Variants in SPON1 observed in about 807,000 individuals in gnomAD.
SPON1 encodes the protein spondin 1, also known as spondin-1.
Under a neutral mutation model 111.7 loss-of-function variants are expected in SPON1, and 52 were observed. The observed-to-expected ratio is 0.47, with a 90% CI of 0.37 to 0.59. SPON1 has a LOEUF of 0.59. Ranked by LOEUF, SPON1 falls within the 20% of genes least tolerant of loss-of-function variation. The pLI is 0.00. For synonymous variants in SPON1, 410 were observed against 395.8 expected (o/e 1.04, Z -0.43); for missense variants, 957 against 1,068.5 (o/e 0.90, Z 1.46).
At chr11:14,122,749 C>G (rs1418158655) in intron 5 of SPON1, among the ~76,000 whole-genome samples, 1 of 152,132 alleles carries the variant, frequency 6.6e-6, no homozygotes, top group African/African-American at 2.4e-5. Flanking sequence ...TATTTATCTA[C>G]CAAAATTCCC....
chr11:14,050,506 T>C (rs1848700093), intron 3 of SPON1, among the ~76,000 whole-genome samples: 1 of 152,206 alleles, frequency 6.6e-6, no homozygotes, highest in Non-Finnish European at 1.5e-5. Context: ...TCTGGCCCTT[T>C]ATAGAAAAAG....
At chr11:14,171,030 C>T (rs1444549389) in intron 6 of SPON1, among the ~76,000 whole-genome samples, 1 of 152,134 alleles carries the variant, frequency 6.6e-6, no homozygotes, top group African/African-American at 2.4e-5. Context: ...GGGAGGATTC[C>T]CTCTTTTTCT....
intron 6 of SPON1, among the ~76,000 whole-genome samples, chr11:14,226,549 C>T (rs902242343): frequency 6.6e-6 from 1 of 152,174 alleles, no homozygotes; most frequent in Non-Finnish European, 1.5e-5. Flanking sequence ...GGTCAAAATT[C>T]GACGTACAAT....
At chr11:13,980,155 C>T (rs1226296619) in intron 1 of SPON1, among the ~76,000 whole-genome samples, 1 of 152,104 alleles carries the variant, frequency 6.6e-6, no homozygotes, top group Non-Finnish European at 1.5e-5. Context: ...ATTCTCCTGC[C>T]TCAGCCTCGT....
chr11:14,263,109 GC>G, intron 15 of SPON1, 134 bp downstream of exon 15: 1 of 935,940 alleles, frequency 1.1e-6, no homozygotes. Context: ...GAGTCTTCAG[GC>G]CACATTTTGA....
intron 2 of SPON1, among the ~76,000 whole-genome samples, chr11:14,025,214 A>G (rs1848508862): frequency 6.6e-6 from 1 of 152,214 alleles, no homozygotes; most frequent in Non-Finnish European, 1.5e-5. Flanking sequence ...TTACATTCTC[A>G]TTCCTCCTCT....
chr11:14,246,611 C>T (rs1453772162), intron 7 of SPON1, among the ~76,000 whole-genome samples: 1 of 152,124 alleles, frequency 6.6e-6, no homozygotes, highest in African/African-American at 2.4e-5. Context: ...CCAAAACAAA[C>T]AAAATCTTAC....
chr11:13,981,024 A>C (rs1332823353), intron 1 of SPON1, among the ~76,000 whole-genome samples: 2 of 152,216 alleles, frequency 1.3e-5, no homozygotes, highest in Non-Finnish European at 2.9e-5. Flanking sequence ...GGATCTTAGC[A>C]CTTTTATGCA....
At chr11:14,174,762 G>A (rs1163108991) in intron 6 of SPON1, among the ~76,000 whole-genome samples, 10 of 152,154 alleles carry the variant, frequency 6.6e-5, no homozygotes, top group African/African-American at 2.4e-4. Flanking sequence ...AAAACATAAA[G>A]GCCTTTTAAA....
intron 6 of SPON1, among the ~76,000 whole-genome samples, chr11:14,242,440 C>T (rs1369719304): frequency 6.6e-6 from 1 of 152,200 alleles, no homozygotes; most frequent in East Asian, 1.9e-4. Context: ...TGTCTGAGCA[C>T]TGCTGGGCCC....
rs1847941049 is a variant in SPON1, at chr11:14,160,995, TTATATATTTATATATTTA to T, written c.825+25433_825+25450del. ...TATTTTTATATATTTATATATATTT[TTATATATTTATATATTTA>T]TATATCTATATATATTTATATATAT... is the stretch of plus-strand genomic sequence containing the variant. On this transcript the variant is annotated intron_variant, in intron 6 of 15. Coordinates refer to ENST00000576479, the MANE Select transcript of SPON1 (RefSeq NM_006108.4). Among the ~76,000 whole-genome samples, 7 of 10,584 alleles carry T rather than the reference TTATATATTTATATATTTA, an allele frequency of 6.6e-4. 1 individual carries two copies. The South Asian group carries it at 0.021, about 32-fold the overall frequency. The allele number at this position is 10,584 out of a possible 152,430, so 6.9% of individuals were successfully genotyped here.
chr11:14,042,816 T>G (rs1396319156), intron 3 of SPON1, among the ~76,000 whole-genome samples: 1 of 152,202 alleles, frequency 6.6e-6, no homozygotes, highest in Non-Finnish European at 1.5e-5. Flanking sequence ...ACTTCCACTG[T>G]GCTTGGCTTA....
At chr11:14,023,397 C>T (rs941825596) in intron 2 of SPON1, among the ~76,000 whole-genome samples, 2 of 152,032 alleles carry the variant, frequency 1.3e-5, no homozygotes, top group Non-Finnish European at 2.9e-5. Context: ...GTAAAACTGA[C>T]AGGCAGTCAA....
chr11:13,964,515 TG>T (rs1427334956), intron 1 of SPON1, among the ~76,000 whole-genome samples: 3 of 152,142 alleles, frequency 2.0e-5, no homozygotes, highest in Non-Finnish European at 4.4e-5. Context: ...TTCCCGGGTT[TG>T]TGTCCCCGAC....
At chr11:14,152,038 T>G (rs1213938460) in intron 6 of SPON1, among the ~76,000 whole-genome samples, 1 of 152,164 alleles carries the variant, frequency 6.6e-6, no homozygotes, top group Non-Finnish European at 1.5e-5. Context: ...TGTAACCCCA[T>G]TTGGCCCAGT....
chr11:14,038,536 G>A (rs1848610893), intron 2 of SPON1, among the ~76,000 whole-genome samples: 1 of 152,142 alleles, frequency 6.6e-6, no homozygotes, highest in South Asian at 2.1e-4. Context: ...ATAAAAAATG[G>A]TAAAAGACCC....
chr11:14,100,756 C>G (rs141521505), intron 5 of SPON1, among the ~76,000 whole-genome samples: 2 of 152,270 alleles, frequency 1.3e-5, no homozygotes, highest in African/African-American at 4.8e-5. Context: ...TCTTATTTCA[C>G]TATTTTCTAC....
intron 2 of SPON1, among the ~76,000 whole-genome samples, chr11:13,992,396 G>A (rs1269194698): frequency 6.6e-6 from 1 of 152,128 alleles, no homozygotes; most frequent in African/African-American, 2.4e-5. Context: ...AATGGCGGAC[G>A]CCCCTTCCTC....
chr11:14,057,716 G>A (rs1257917123), intron 3 of SPON1, among the ~76,000 whole-genome samples: 1 of 151,656 alleles, frequency 6.6e-6, no homozygotes, highest in African/African-American at 2.4e-5. Context: ...ATTCAGGGTT[G>A]CCAGACACAG....
Sources: gnomAD v4.1 joint callset for allele counts (sites outside exome capture counted in the v4.1 genomes callset) on GRCh38, gnomAD v4.1.1 for gene constraint, MANE v1.5 for transcripts, NCBI Gene and HGNC (gene_info 2026-07-23, HGNC 2026-07-21) for gene names.